Variants in CSMD1 observed in about 807,000 individuals in gnomAD.
CSMD1 encodes CUB and sushi domain-containing protein 1.
In CSMD1, 213 loss-of-function variants were observed where a neutral mutation model predicts 417.5. The ratio of observed to expected loss-of-function variants is 0.51; its 90% CI spans 0.46 to 0.57. The LOEUF (loss-of-function observed/expected upper bound fraction) is 0.57. CSMD1 is among the 20% of genes least tolerant of loss of function. The probability of loss-of-function intolerance (pLI) is 0.00; values close to 1 mark genes in which losing one functional copy is unlikely to be tolerated. For synonymous variants in CSMD1, 2,862 were observed against 1,736.8 expected, an observed-to-expected ratio of 1.65 and a Z score of -16.11; for missense variants, 6,923 against 4,529.7, an observed-to-expected ratio of 1.53 and a Z score of -15.17.
chr8:4,759,934 G>A (rs1328621827), intron 1 of CSMD1, among the ~76,000 whole-genome samples: 1 of 152,142 alleles, frequency 6.6e-6, no homozygotes, highest in Non-Finnish European at 1.5e-5. Flanking sequence ...ACCTAAACAT[G>A]GAATTACTAG....
chr8:4,678,682 C>T (rs1805844089), intron 1 of CSMD1, among the ~76,000 whole-genome samples: 2 of 152,138 alleles, frequency 1.3e-5, no homozygotes. Flanking sequence ...CAACAGAAGG[C>T]ATCCAAATAA....
intron 23 of CSMD1, among the ~76,000 whole-genome samples, chr8:3,311,060 G>A (rs1027581375): frequency 9.2e-5 from 14 of 151,568 alleles, no homozygotes; most frequent in African/African-American, 3.4e-4. Flanking sequence ...TTAAGAGTGG[G>A]AAATACCTTA....
chr8:3,445,778 A>C (rs1483020216), intron 12 of CSMD1, among the ~76,000 whole-genome samples: 1 of 152,232 alleles, frequency 6.6e-6, no homozygotes, highest in Non-Finnish European at 1.5e-5. Context: ...CAGTAAGAGG[A>C]TAAAACTTTG....
chr8:3,651,419 G>A (rs149617975), intron 7 of CSMD1, among the ~76,000 whole-genome samples: 165 of 151,932 alleles, frequency 1.1e-3, no homozygotes, highest in African/African-American at 3.9e-3. Flanking sequence ...GGAGTACCTC[G>A]AACTTGCTGA....
intron 5 of CSMD1, among the ~76,000 whole-genome samples, chr8:3,947,677 A>G (rs1200032555): frequency 6.6e-6 from 1 of 152,212 alleles, no homozygotes; most frequent in African/African-American, 2.4e-5. Flanking sequence ...GTGATAAGAT[A>G]ATATAACATA....
chr8:4,531,673 T>A (rs1221137486), intron 2 of CSMD1, among the ~76,000 whole-genome samples: 1 of 152,160 alleles, frequency 6.6e-6, no homozygotes, highest in Non-Finnish European at 1.5e-5. Flanking sequence ...ATCTAGTTTG[T>A]CAGAATCAGC....
intron 3 of CSMD1, among the ~76,000 whole-genome samples, chr8:4,295,311 C>T (rs1403272728): frequency 1.8e-5 from 2 of 110,276 alleles, no homozygotes; most frequent in African/African-American, 5.6e-5. Context: ...TCTATATAAT[C>T]TTAAGATTAT....
chr8:4,332,806 G>C (rs142688078), intron 3 of CSMD1, among the ~76,000 whole-genome samples: 1,672 of 152,078 alleles, frequency 0.011, 28 homozygotes, highest in African/African-American at 0.038. Context: ...GTGGAGACAG[G>C]AGAAGTTTTC....
chr8:4,619,270 TTAAA>T (rs1381348875), intron 2 of CSMD1, among the ~76,000 whole-genome samples: 1 of 152,162 alleles, frequency 6.6e-6, no homozygotes, highest in Non-Finnish European at 1.5e-5. Context: ...TTAAATGCTG[TTAAA>T]TAAATGCATG....
At chr8:3,529,200 C>T (rs1207704450) in intron 10 of CSMD1, among the ~76,000 whole-genome samples, 6 of 152,116 alleles carry the variant, frequency 3.9e-5, no homozygotes, top group Admixed American at 3.9e-4. Flanking sequence ...ATCAGACTAC[C>T]AAAGTCAAGA....
At chr8:4,548,996 C>T (rs1397574067) in intron 2 of CSMD1, among the ~76,000 whole-genome samples, 1 of 151,988 alleles carries the variant, frequency 6.6e-6, no homozygotes, top group Non-Finnish European at 1.5e-5. Context: ...TTTTTTATTT[C>T]CAAGTTTATC....
intron 1 of CSMD1, among the ~76,000 whole-genome samples, chr8:4,788,839 T>C (rs968586756): frequency 6.6e-6 from 1 of 152,222 alleles, no homozygotes; most frequent in African/African-American, 2.4e-5. Flanking sequence ...TTTAAATTTA[T>C]GACACAGAAA....
At chr8:4,313,001 G>C (rs1270651098) in intron 3 of CSMD1, among the ~76,000 whole-genome samples, 2 of 152,126 alleles carry the variant, frequency 1.3e-5, no homozygotes, top group African/African-American at 4.8e-5. Flanking sequence ...AATGAAGATG[G>C]GGAGGTAGAA....
chr8:4,628,405 T>TAC (rs1554528899), intron 2 of CSMD1, among the ~76,000 whole-genome samples: 8 of 113,962 alleles, frequency 7.0e-5, no homozygotes, highest in African/African-American at 1.9e-4. Context: ...CACATATATA[T>TAC]ACACATATAT....
chr8:4,055,373 A>T (rs1242053445), intron 3 of CSMD1, among the ~76,000 whole-genome samples: 3 of 152,114 alleles, frequency 2.0e-5, no homozygotes, highest in African/African-American at 7.2e-5. Flanking sequence ...TGTAAATTTC[A>T]CAAACTTACT....
intron 7 of CSMD1, among the ~76,000 whole-genome samples, chr8:3,670,473 C>T (rs915546589): frequency 4.8e-5 from 7 of 146,892 alleles, no homozygotes; most frequent in African/African-American, 1.3e-4. Context: ...ATATGTATCC[C>T]ATATATATAT....
intron 23 of CSMD1, among the ~76,000 whole-genome samples, chr8:3,340,532 G>C (rs943031702): frequency 6.6e-6 from 1 of 152,148 alleles, no homozygotes; most frequent in African/African-American, 2.4e-5. Context: ...AATTACAAAA[G>C]TCTTTTGAAA....
At chr8:4,183,012 C>A (rs2131183338) in intron 3 of CSMD1, among the ~76,000 whole-genome samples, 1 of 152,256 alleles carries the variant, frequency 6.6e-6, no homozygotes, top group African/African-American at 2.4e-5. Flanking sequence ...AGAGTAATTA[C>A]ATGGGATGAG....
chr8:4,619,534 G>C (rs926777199), intron 2 of CSMD1, among the ~76,000 whole-genome samples: 1 of 152,128 alleles, frequency 6.6e-6, no homozygotes, highest in Non-Finnish European at 1.5e-5. Context: ...CAAACGTTTT[G>C]CTAAGCTCTA....
Sources: gnomAD v4.1 joint callset for allele counts (sites outside exome capture counted in the v4.1 genomes callset) on GRCh38, gnomAD v4.1.1 for gene constraint, MANE v1.5 for transcripts, NCBI Gene and HGNC (gene_info 2026-07-23, HGNC 2026-07-21) for gene names.